The following SFTPB variants were observed in gnomAD, a reference collection of about 807,000 sequenced individuals.
SFTPB encodes the protein surfactant protein B, also known as pulmonary surfactant-associated protein B.
A neutral mutation model predicts 51.0 loss-of-function variants in SFTPB; 32 were observed. That is an observed-to-expected ratio of 0.63 (90% CI 0.47 to 0.84). The LOEUF (loss-of-function observed/expected upper bound fraction) is 0.84. Among genes scored for constraint, SFTPB ranks in the 40% least tolerant of loss-of-function variants. The pLI is 0.00. For synonymous variants in SFTPB, 211 were observed against 208.5 expected (o/e 1.01, Z -0.10); for missense variants, 431 against 491.2 (o/e 0.88, Z 1.16).
In SFTPB at chr2:85,660,196, C is replaced by T. The variant is rs558517608; in HGVS notation, c.*20-514G>A. Among the ~76,000 whole-genome samples the T allele has an allele frequency of 8.0e-5, 12 of 150,216 alleles. No homozygotes were observed. In the South Asian group the frequency reaches 1.1e-3, roughly 13 times the overall value. The stretch of plus-strand genomic sequence containing the variant: ...GGAGTGCAGAGGCGCAATCTTGGCT[C>T]GCTGCAATCTCCGCCTCCCAGGTTC... On this transcript the variant is annotated intron_variant, in intron 10 of 10. Transcript: ENST00000519937.
chr2:85,665,539 C>T (rs1677531264), intron 5 of SFTPB, 67 bp downstream of exon 5: 1 of 1,569,770 alleles, frequency 6.4e-7, no homozygotes, highest in Non-Finnish European at 8.7e-7. Flanking sequence ...GCCCAGTGCC[C>T]ATGGGCTTCG....
chr2:85,666,215 CTGTGTG>C (rs34530476), intron 4 of SFTPB, among the ~76,000 whole-genome samples: 1,365 of 96,402 alleles, frequency 0.014, 29 homozygotes, highest in African/African-American at 0.052. Context: ...TGTGTGTGTG[CTGTGTG>C]TGTGTGTGTG....
rs1196803203 is a variant in SFTPB at position 85,667,118 on chromosome 2, C to T, written c.255G>A (p.Glu85=). The T allele has an allele frequency of 1.9e-6, 3 of 1,613,164 alleles. No homozygotes were observed. The highest frequency in any genetic ancestry group is 1.7e-6 in the Non-Finnish European group (2 of 1,179,242). ...TGGGCATCATTACCTGGAAAATGGC[C>T]TCCTTGGCCATCTTGTTAAGGATGT... is the stretch of plus-strand genomic sequence containing the variant. The part of the protein sequence containing the change: ...IVHILNKMAK[E]AIFQDTMRKF... The change falls in exon 3 of 11, where the codon GAG becomes GAA. Residue 85 remains glutamate, a synonymous_variant. Coordinates refer to ENST00000519937, the MANE Select transcript of SFTPB (RefSeq NM_000542.5).
upstream of SFTPB, chr2:85,668,219 TG>T (rs1231399741): frequency 1.3e-6 from 2 of 1,547,054 alleles, no homozygotes; most frequent in African/African-American, 2.7e-5. Flanking sequence ...GCTTGGTGCA[TG>T]GCCCCTTATA....
chr2:85,664,435 C>A (rs544486678), intron 6 of SFTPB, among the ~76,000 whole-genome samples: 2 of 152,132 alleles, frequency 1.3e-5, no homozygotes, highest in Non-Finnish European at 2.9e-5. Flanking sequence ...TGTCCCATCA[C>A]CTCTCACTGC....
rs546905132 is a variant in SFTPB at position 85,663,430 on chromosome 2, G to A, written c.918C>T (p.Thr306=). Residue 306 remains threonine, a synonymous_variant, in exon 8 of 11, where the codon ACC becomes ACT. Coordinates refer to ENST00000519937, the MANE Select transcript of SFTPB (RefSeq NM_000542.5). ...GCTCGCTGCTGTTCCCGGCCTGGGT[G>A]GTCACGGACATGCAGAGGTGGCACT... is the stretch of plus-strand genomic sequence containing the variant. The part of the protein sequence containing the change: ...DSECHLCMSV[T]TQAGNSSEQA... 5.0e-6 allele frequency: 8 copies of A among 1,614,048 alleles called. No individual in the cohort carries two copies. The East Asian group carries it at 1.3e-4, about 27-fold the overall frequency.
In SFTPB at chr2:85,661,116, G is replaced by T. The variant is rs62166784; in HGVS notation, c.*19+338C>A. 1.4e-3 allele frequency: 369 copies of T among 261,918 alleles called. 1 individual carries two copies. The highest frequency in any genetic ancestry group is 2.2e-3 in the Non-Finnish European group (280 of 128,970). The allele number at this position is 261,918 out of a possible 1,614,324, so 16.2% of individuals were successfully genotyped here. ...CTGAGCCCCAGGAAAGCTTGGCCTT[G>T]GTCAGAATACATTGAACCCTGAGGG... On this transcript the variant is annotated intron_variant, in intron 10 of 10. Transcript: ENST00000519937.
chr2:85,667,387 TCATCCCATCC>T lies in SFTPB; in HGVS notation c.196-220_196-211del, dbSNP rs200401655. 2.2e-3 allele frequency among the ~76,000 whole-genome samples: 331 copies of T among 151,688 alleles called. 1 individual carries two copies. The highest frequency in any genetic ancestry group is 7.1e-3 in the African/African-American group (290 of 41,134). On this transcript the variant is annotated intron_variant, in intron 2 of 10. Transcript: ENST00000519937. The stretch of plus-strand genomic sequence containing the variant: ...CCAATCCATCCATCTTTATTCTGTG[TCATCCCATCC>T]CATCCCATCCCATCCCATCCATCTT...
chr2:85,662,053 G>A lies in SFTPB; in HGVS notation c.1059C>T (p.Gly353=). Residue 353 remains glycine, a synonymous_variant, in exon 9 of 11, where the codon GGC becomes GGT. Transcript: ENST00000519937. ...TPQLLTLVPR[G]WDAHTTCQAL... ...CCTGGCAGGTGGTGTGGGCATCCCA[G>A]CCCCTGGGCACCAGGGTCAGCAGCT... The A allele has an allele frequency of 6.2e-7, 1 of 1,601,732 alleles. No individual in the cohort carries two copies. Among genetic ancestry groups the A allele is most frequent in the Non-Finnish European group, 8.5e-7 (1 of 1,175,668 alleles).
At chr2:85,663,542 T>C (rs750014352) in intron 7 of SFTPB, 51 bp from the exon 8 acceptor site, 2 of 1,606,864 alleles carry the variant, frequency 1.2e-6, no homozygotes, top group Non-Finnish European at 1.7e-6. Context: ...CCTACAGAGG[T>C]GTTTGGTTTC....
At chr2:85,666,525 G>GTGTCC (rs1677645632) in intron 4 of SFTPB, 92 bp downstream of exon 4, 1 of 1,229,250 alleles carries the variant, frequency 8.1e-7, no homozygotes, top group African/African-American at 1.5e-5. Context: ...GTGTGTGTCT[G>GTGTCC]GCTGGCTGGG....
intron 2 of SFTPB, 119 bp from the exon 3 acceptor site, chr2:85,667,296 A>C: frequency 1.3e-6 from 1 of 774,784 alleles, no homozygotes; most frequent in Non-Finnish European, 2.3e-6. Context: ...GCAGCTGCCC[A>C]CCAGCCCAAC....
At chr2:85,666,973 G>A (rs939395902) in intron 3 of SFTPB, 133 bp downstream of exon 3, 1 of 962,148 alleles carries the variant, frequency 1.0e-6, no homozygotes, top group African/African-American at 1.6e-5. Flanking sequence ...CCAGCCAGGA[G>A]GAGCTGGGAC....
At chr2:85,668,203 T>C, upstream of SFTPB, 1 of 1,550,854 alleles carries the variant, frequency 6.4e-7, no homozygotes, top group Non-Finnish European at 8.7e-7. Flanking sequence ...GCAGCCTGGG[T>C]ACCCTGCTTG....
chr2:85,665,905 G>A, intron 4 of SFTPB, 111 bp from the exon 5 acceptor site: 1 of 1,011,132 alleles, frequency 9.9e-7, no homozygotes, highest in Non-Finnish European at 1.5e-6. Flanking sequence ...CAGGCCTAGT[G>A]GGGGTGCTGT....
chr2:85,666,827 G>A, intron 3 of SFTPB, 85 bp from the exon 4 acceptor site: 1 of 1,563,998 alleles, frequency 6.4e-7, no homozygotes, highest in Non-Finnish European at 8.8e-7. Context: ...CACCAGGGCA[G>A]ACTGACCCCT....
chr2:85,668,536 G>T (rs1364084559), upstream of SFTPB: 5 of 348,730 alleles, frequency 1.4e-5, no homozygotes, highest in Non-Finnish European at 5.4e-6. Flanking sequence ...CAGCCTGGGT[G>T]TTCCCCTCCC....
At position 85,665,704 on chromosome 2, in the gene SFTPB, T is replaced by A; in HGVS notation, c.484A>T (p.Lys162Ter). Reference protein sequence around the residue: ...QEPGMSDPLPKPLRDPLPDPL... With the variant: ...QEPGMSDPLP The stretch of plus-strand genomic sequence containing the variant: ...TCTGGCAGAGGGTCCCGCAGAGGTT[T>A]GGGCAGGGGGTCTGACATCCCTGGC... Residue 162 changes from lysine (K) to a stop codon, truncating the protein, a stop_gained, in exon 5 of 11, where the codon AAA becomes TAA. Transcript: ENST00000519937. LOFTEE classifies it high-confidence loss of function. The A allele has an allele frequency of 6.2e-7, 1 of 1,614,158 alleles. No individual in the cohort carries two copies. The highest frequency in any genetic ancestry group is 1.1e-5 in the South Asian group (1 of 91,086).
At chr2:85,666,400 TG>T (rs1267411016) in intron 4 of SFTPB, 24 of 529,086 alleles carry the variant, frequency 4.5e-5, no homozygotes, top group Non-Finnish European at 7.6e-5. Flanking sequence ...ACTGTGTGTG[TG>T]TGTGTCCGGC....
Sources: allele counts gnomAD v4.1 joint callset (sites outside exome capture counted in the v4.1 genomes callset), GRCh38; gene constraint gnomAD v4.1.1; transcripts MANE v1.5; gene names NCBI Gene and HGNC (gene_info 2026-07-23, HGNC 2026-07-21).